The following DMRT1 variants were observed in gnomAD, a reference collection of about 807,000 sequenced individuals.
The protein encoded by DMRT1 is doublesex and mab-3 related transcription factor 1.
Under a neutral mutation model 32.3 loss-of-function variants are expected in DMRT1, and 7 were observed. The observed-to-expected ratio is 0.22, with a 90% CI of 0.12 to 0.41. The LOEUF (loss-of-function observed/expected upper bound fraction) is 0.41, where lower values mean the gene tolerates loss of function less well. DMRT1 is among the 10% of genes least tolerant of loss of function. The pLI is 1.00. For missense variants in DMRT1, 625 were observed against 500.5 expected (o/e 1.25, Z -2.37); for synonymous variants, 278 against 206.1 (o/e 1.35, Z -2.99).
At chr9:845,031 G>A (rs1334276414) in intron 1 of DMRT1, among the ~76,000 whole-genome samples, 2 of 151,952 alleles carry the variant, frequency 1.3e-5, no homozygotes, top group Admixed American at 1.3e-4. Flanking sequence ...CTGTAGTTGT[G>A]TTTTTTAATT....
chr9:925,675 C>T (rs111837159), intron 4 of DMRT1, among the ~76,000 whole-genome samples: 2,969 of 152,244 alleles, frequency 0.02, 60 homozygotes, highest in African/African-American at 0.046. Context: ...TTTTTCTTCC[C>T]TTACAAACAC....
intron 2 of DMRT1, among the ~76,000 whole-genome samples, chr9:871,497 T>C (rs1403887103): frequency 8.6e-6 from 1 of 115,700 alleles, no homozygotes; most frequent in Non-Finnish European, 1.7e-5. Context: ...CACGCCCGGC[T>C]AATTTTTTTT....
rs763197268 is a variant in DMRT1, at chr9:846,947, C to T, written c.355-13C>T. On this transcript the variant is annotated splice_polypyrimidine_tract_variant and intron_variant, in intron 1 of 4. Transcript: ENST00000382276. ...GGAGTGCTGGAGGATGACTCATTGT[C>T]GTGTGCTTCCAGGTGGCCCTGAGAA... 66 of 1,613,996 alleles carry T rather than the reference C, an allele frequency of 4.1e-5. No individual in the cohort carries two copies. In the South Asian group the frequency reaches 6.0e-4, roughly 15 times the overall value.
chr9:968,229 C>T lies in DMRT1; in HGVS notation c.*90C>T, dbSNP rs1481884892. ...TGTTAATATTTTGCATTGACTCATACTATCTTAACTGTTGAGAACGTATTT... is the reference window on the plus strand; with the variant it reads ...TGTTAATATTTTGCATTGACTCATATTATCTTAACTGTTGAGAACGTATTT... On this transcript the variant is annotated 3_prime_UTR_variant, in exon 5 of 5. Coordinates refer to ENST00000382276, the MANE Select transcript of DMRT1 (RefSeq NM_021951.3). 7 of 1,466,724 alleles carry T rather than the reference C, an allele frequency of 4.8e-6. No homozygotes were observed. In the African/African-American group the frequency reaches 8.4e-5, roughly 18 times the overall value. The allele number at this position is 1,466,724 out of a possible 1,614,324, so 90.9% of individuals were successfully genotyped here. A position where few individuals can be genotyped will look rare whatever the true frequency, so the allele number is the denominator to read the frequency against.
At chr9:911,885 G>A (rs540975974) in intron 3 of DMRT1, among the ~76,000 whole-genome samples, 3 of 152,284 alleles carry the variant, frequency 2.0e-5, no homozygotes, top group African/African-American at 4.8e-5. Flanking sequence ...AAGTTGTCAC[G>A]TGGATGGGTT....
intron 3 of DMRT1, among the ~76,000 whole-genome samples, chr9:910,257 A>AT (rs1817926279): frequency 6.6e-6 from 1 of 152,090 alleles, no homozygotes; most frequent in Non-Finnish European, 1.5e-5. Context: ...GAGCACAGGC[A>AT]TTTTTAATGA....
intron 4 of DMRT1, among the ~76,000 whole-genome samples, chr9:964,181 C>T (rs1819860573): frequency 6.6e-6 from 1 of 151,822 alleles, no homozygotes; most frequent in East Asian, 1.9e-4. Flanking sequence ...AAAGATTTAG[C>T]ACTTAGAGTT....
Position 962,937 on chromosome 9 carries a change from A to G in DMRT1, c.968-5048A>G, listed in dbSNP as rs1208092600. Among the ~76,000 whole-genome samples the G allele has an allele frequency of 1.4e-4, 21 of 152,136 alleles. 1 individual carries two copies. Among genetic ancestry groups the G allele is most frequent in the Admixed American group, 1.4e-3 (21 of 15,276 alleles). The stretch of plus-strand genomic sequence containing the variant: ...TCCCCCAACCTCTGACATGCTGTAG[A>G]AGGATGCTTGCTTGGCTCTGTTCCT... On this transcript the variant is annotated intron_variant, in intron 4 of 4. Coordinates refer to ENST00000382276, the MANE Select transcript of DMRT1 (RefSeq NM_021951.3).
chr9:841,898 C>T lies in DMRT1; in HGVS notation c.60C>T (p.Pro20=), dbSNP rs775836233. ...PSTPSEAPHA[P]GVPPQGRAGG... ...CACCGTCGGAAGCCCCTCACGCCCCCGGGGTACCGCCGCAGGGCAGAGCCG... is the reference window on the plus strand; with the variant it reads ...CACCGTCGGAAGCCCCTCACGCCCCTGGGGTACCGCCGCAGGGCAGAGCCG... The change falls in exon 1 of 5, where the codon CCC becomes CCT. Residue 20 remains proline (P), a synonymous_variant. Transcript: ENST00000382276. 8.7e-6 allele frequency: 14 copies of T among 1,611,462 alleles called. No individual in the cohort carries two copies. The East Asian group carries it at 2.2e-4, about 26-fold the overall frequency.
At chr9:866,637 T>TA (rs1194733067) in intron 2 of DMRT1, among the ~76,000 whole-genome samples, 3 of 152,240 alleles carry the variant, frequency 2.0e-5, no homozygotes, top group Non-Finnish European at 4.4e-5. Flanking sequence ...GATACACTGA[T>TA]ACCAAATGCA....
chr9:879,325 A>G (rs1482616738), intron 2 of DMRT1, among the ~76,000 whole-genome samples: 2 of 152,246 alleles, frequency 1.3e-5, no homozygotes, highest in African/African-American at 4.8e-5. Context: ...TTAAAATAAT[A>G]AACTCATTAC....
In DMRT1 at chr9:842,120, C is replaced by A; in HGVS notation, c.282C>A (p.Phe94Leu). ...YASPLKGHKRFCMWRDCQCKK... is the reference protein window; with the variant it reads ...YASPLKGHKRLCMWRDCQCKK... ...CGCCGCTCAAGGGCCACAAGCGCTT[C>A]TGCATGTGGCGCGACTGCCAGTGCA... The change falls in exon 1 of 5, where the codon TTC (phenylalanine) becomes TTA (leucine). Residue 94 changes from phenylalanine to leucine, a missense_variant. Around this residue, in one of 3 missense-constraint regions of DMRT1, gnomAD observed 201 missense variants for 152.0 expected, o/e 1.32. Coordinates refer to ENST00000382276, the MANE Select transcript of DMRT1 (RefSeq NM_021951.3). The A allele has an allele frequency of 6.5e-7, 1 of 1,548,366 alleles. No homozygotes were observed.
chr9:959,808 G>A (rs551640245), intron 4 of DMRT1, among the ~76,000 whole-genome samples: 217 of 152,276 alleles, frequency 1.4e-3, no homozygotes, highest in African/African-American at 4.8e-3. Context: ...GATTACAGGC[G>A]TGACCCACCG....
At chr9:891,749 C>T (rs1204722259) in intron 2 of DMRT1, among the ~76,000 whole-genome samples, 2 of 151,566 alleles carry the variant, frequency 1.3e-5, no homozygotes, top group Non-Finnish European at 2.9e-5. Flanking sequence ...TAGTCTTGAT[C>T]TCCTGACCTC....
chr9:851,593 A>C (rs1487973566), intron 2 of DMRT1, among the ~76,000 whole-genome samples: 1 of 152,180 alleles, frequency 6.6e-6, no homozygotes, highest in African/African-American at 2.4e-5. Context: ...GGCTCCCAAA[A>C]GGGCCAAAAG....
intron 3 of DMRT1, among the ~76,000 whole-genome samples, chr9:897,308 G>T (rs1817409844): frequency 6.6e-6 from 1 of 151,600 alleles, no homozygotes; most frequent in Admixed American, 6.6e-5. Context: ...AGCAGAGATG[G>T]TGTTTCACCA....
rs1291368454 is a variant in DMRT1 at position 965,416 on chromosome 9, G to A, written c.968-2569G>A. Among the ~76,000 whole-genome samples, 1 of 152,198 alleles carries A rather than the reference G, an allele frequency of 6.6e-6. No homozygotes were observed. The highest frequency in any genetic ancestry group is 1.9e-4 in the East Asian group (1 of 5,200). On this transcript the variant is annotated intron_variant, in intron 4 of 4. Transcript: ENST00000382276. The surrounding 1 kb of genome is among the most constrained non-coding windows in gnomAD (Gnocchi z 4.5). ...GCATTAAAAGTATGCTTGGAGCCCC[G>A]CTAGTCCATGCAGGTAATATTCTGC...
intron 4 of DMRT1, among the ~76,000 whole-genome samples, chr9:934,724 C>T (rs1818830423): frequency 6.6e-6 from 1 of 151,968 alleles, no homozygotes; most frequent in Admixed American, 6.6e-5. Context: ...TCCAGTTTTC[C>T]CGGCACTATT....
intron 4 of DMRT1, among the ~76,000 whole-genome samples, chr9:947,068 A>T (rs894736508): frequency 2.0e-5 from 3 of 152,132 alleles, no homozygotes; most frequent in African/African-American, 7.2e-5. Context: ...ACTTGAAGCA[A>T]CTCGTCTACA....
Sources: gnomAD v4.1 joint callset for allele counts (sites outside exome capture counted in the v4.1 genomes callset) on GRCh38, gnomAD v4.1.1 for gene constraint, gnomAD v4.1.1 regional missense constraint, Gnocchi (gnomAD v3.1) non-coding constraint, MANE v1.5 for transcripts, NCBI Gene and HGNC (gene_info 2026-07-23, HGNC 2026-07-21) for gene names.